KMO: variants seen among roughly 807,000 people sequenced by gnomAD.
KMO encodes the protein kynurenine 3-hydroxylase.
KMO carries 24 observed loss-of-function variants against 57.8 expected under a neutral mutation model. The ratio of observed to expected loss-of-function variants is 0.42; its 90% confidence interval spans 0.30 to 0.58. The LOEUF is 0.58. Among genes scored for constraint, KMO ranks in the 20% least tolerant of loss-of-function variants. The pLI is 0.22. For missense variants in KMO, 483 were observed against 588.2 expected, an observed-to-expected ratio of 0.82 and a Z score of 1.85; for synonymous variants, 210 against 193.6, an observed-to-expected ratio of 1.08 and a Z score of -0.70.
rs1166996522 is a variant in KMO at position 241,551,069 on chromosome 1, T to C, written c.312+25T>C. The C allele has an allele frequency of 3.1e-6, 4 of 1,282,350 alleles. No individual in the cohort carries two copies. In the South Asian group the frequency reaches 5.2e-5, roughly 17 times the overall value. The allele number at this position is 1,282,350 out of a possible 1,614,324, so 79.4% of individuals were successfully genotyped here. A position where few individuals can be genotyped will look rare whatever the true frequency, so the allele number is the denominator to read the frequency against. On this transcript the variant is annotated intron_variant, in intron 4 of 14. Transcript: ENST00000366559. Reference sequence around the variant, plus strand: ...GGTAGGTTTACCCCGGAGATCATTGTGCATTGATTATAAGGAAGTCAAAGT... The same window carrying C: ...GGTAGGTTTACCCCGGAGATCATTGCGCATTGATTATAAGGAAGTCAAAGT...
Position 241,549,588 on chromosome 1 carries a change from T to C in KMO, c.125-89T>C, listed in dbSNP as rs931070278. On this transcript the variant is annotated intron_variant, in intron 2 of 14. Transcript: ENST00000366559. ...AGAAGTTCTTTAATGTGGTTCCGAA[T>C]GAACCAGTTGTTCAGATGCAGTAAT... The C allele has an allele frequency of 7.3e-6, 5 of 684,270 alleles. No individual in the cohort carries two copies. The African/African-American group carries it at 9.1e-5, about 12-fold the overall frequency. 42.4% of individuals were successfully genotyped at this position (684,270 alleles called of 1,614,324 possible).
At position 241,594,757 on chromosome 1, in the gene KMO, G is replaced by A. The variant is rs1041752381; in HGVS notation, c.*2604G>A. 7.1e-6 allele frequency: 11 copies of A among 1,543,264 alleles called. No individual in the cohort carries two copies. The African/African-American group carries it at 8.3e-5, about 12-fold the overall frequency. ...TGGGCACTAATCTGGATTAACATTCGAGGAAATCAGTTGAGCTGAATTTAA... is the reference window on the plus strand; with the variant it reads ...TGGGCACTAATCTGGATTAACATTCAAGGAAATCAGTTGAGCTGAATTTAA... On this transcript the variant is annotated 3_prime_UTR_variant, in exon 15 of 15. Coordinates refer to ENST00000366559, the MANE Select transcript of KMO (RefSeq NM_003679.5).
At position 241,592,480 on chromosome 1, in the gene KMO, A is replaced by C; in HGVS notation, c.*327A>C. ...GACAGTAATCATGCCTTTTCTTTAA[A>C]AGACACAATAGGACTCGCAACAGCA... On this transcript the variant is annotated 3_prime_UTR_variant, in exon 15 of 15. Transcript: ENST00000366559. The C allele has an allele frequency of 1.3e-5, 4 of 306,530 alleles. No individual in the cohort carries two copies. In the South Asian group the frequency reaches 1.4e-4, roughly 11 times the overall value. The allele number at this position is 306,530 out of a possible 1,614,324, so 19.0% of individuals were successfully genotyped here. A position where few individuals can be genotyped will look rare whatever the true frequency, so the allele number is the denominator to read the frequency against.
At chr1:241,547,789 G>C (rs886509627) in intron 1 of KMO, among the ~76,000 whole-genome samples, 5 of 151,884 alleles carry the variant, frequency 3.3e-5, no homozygotes, top group Non-Finnish European at 5.9e-5. Context: ...GAAAAGTGAC[G>C]GTACATAAAC....
intron 4 of KMO, among the ~76,000 whole-genome samples, chr1:241,552,148 CTGTG>C (rs1291671526): frequency 1.4e-5 from 2 of 144,428 alleles, no homozygotes; most frequent in Non-Finnish European, 3.0e-5. Flanking sequence ...ACCACCTTGT[CTGTG>C]TGTGTGTGAG....
intron 2 of KMO, 62 bp from the exon 3 acceptor site, chr1:241,549,615 T>C (rs1234329051): frequency 4.1e-6 from 4 of 969,868 alleles, no homozygotes; most frequent in Admixed American, 2.0e-5. Flanking sequence ...TGCAGTAATT[T>C]TGCTCATCCT....
chr1:241,578,475 T>C (rs1323830449), intron 10 of KMO, among the ~76,000 whole-genome samples: 3 of 152,112 alleles, frequency 2.0e-5, no homozygotes, highest in Admixed American at 2.0e-4. Context: ...GTTGCTCCTC[T>C]AGGTCCAGCA....
At chr1:241,550,902 T>C (rs1661369233) in intron 3 of KMO, 53 bp from the exon 4 acceptor site, 5 of 796,844 alleles carry the variant, frequency 6.3e-6, no homozygotes, top group Non-Finnish European at 9.9e-6. Context: ...CTATCTTTCT[T>C]GCATAATGCC....
intron 1 of KMO, among the ~76,000 whole-genome samples, chr1:241,543,175 A>C (rs1661017311): frequency 6.6e-6 from 1 of 152,154 alleles, no homozygotes; most frequent in Admixed American, 6.6e-5. Flanking sequence ...AAGAAGTGAC[A>C]GAGTGCCAGT....
intron 10 of KMO, among the ~76,000 whole-genome samples, chr1:241,577,590 G>A (rs1360632479): frequency 1.3e-5 from 2 of 152,060 alleles, no homozygotes; most frequent in Non-Finnish European, 1.5e-5. Context: ...CTTGGTGTGT[G>A]TACAAGTTCA....
intron 1 of KMO, among the ~76,000 whole-genome samples, chr1:241,547,664 G>A (rs935030711): frequency 2.6e-5 from 4 of 151,356 alleles, no homozygotes; most frequent in African/African-American, 4.9e-5. Context: ...CAACTTACCA[G>A]CTCCCACCCT....
intron 5 of KMO, among the ~76,000 whole-genome samples, chr1:241,558,213 T>C (rs1661710216): frequency 6.6e-6 from 1 of 152,336 alleles, no homozygotes; most frequent in African/African-American, 2.4e-5. Context: ...ACTTAAAACA[T>C]GGGAAAGGTA....
rs1227161654 is a variant in KMO at position 241,591,975 on chromosome 1, T to C, written c.1283T>C (p.Phe428Ser). The change falls in exon 15 of 15, where the codon TTC (phenylalanine) becomes TCC (serine). Residue 428 changes from phenylalanine (F) to serine (S), a missense_variant. Transcript: ENST00000366559. ...CAGGTGATAAACAAAGGACTCTTTTTCTTGGGATCACTGATAGCCATCAGC... is the reference window on the plus strand; with the variant it reads ...CAGGTGATAAACAAAGGACTCTTTTCCTTGGGATCACTGATAGCCATCAGC... ...QKKVINKGLFFLGSLIAISST... is the reference protein window; with the variant it reads ...QKKVINKGLFSLGSLIAISST... 4.3e-6 allele frequency: 7 copies of C among 1,613,814 alleles called. No individual in the cohort carries two copies. The highest frequency in any genetic ancestry group is 5.9e-6 in the Non-Finnish European group (7 of 1,179,844).
At chr1:241,589,572 C>T (rs918162227) in intron 12 of KMO, among the ~76,000 whole-genome samples, 5 of 152,102 alleles carry the variant, frequency 3.3e-5, no homozygotes, top group South Asian at 2.1e-4. Flanking sequence ...CCTTTAAAAA[C>T]GGGATGGCTA....
At chr1:241,534,924 T>C (rs1372053690) in intron 1 of KMO, among the ~76,000 whole-genome samples, 5 of 152,154 alleles carry the variant, frequency 3.3e-5, no homozygotes, top group Non-Finnish European at 5.9e-5. Flanking sequence ...CCCTTTTTAT[T>C]TGTTAATCTT....
chr1:241,539,940 A>G (rs1402353624), intron 1 of KMO, among the ~76,000 whole-genome samples: 3 of 152,222 alleles, frequency 2.0e-5, no homozygotes, highest in Non-Finnish European at 4.4e-5. Context: ...AATTAAAATA[A>G]CTTGAATATC....
At chr1:241,574,251 G>A (rs1662417228) in intron 10 of KMO, among the ~76,000 whole-genome samples, 1 of 151,986 alleles carries the variant, frequency 6.6e-6, no homozygotes, top group Non-Finnish European at 1.5e-5. Context: ...CAATTTGGAT[G>A]TCCTTCATTT....
At chr1:241,562,441 C>A in intron 7 of KMO, 109 bp downstream of exon 7, 3 of 1,066,904 alleles carry the variant, frequency 2.8e-6, no homozygotes, top group African/African-American at 1.6e-5. Flanking sequence ...CATTTTGAGG[C>A]CTATCACAAG....
At chr1:241,562,143 T>G (rs554587099) in intron 6 of KMO, 24 bp from the exon 7 acceptor site, 1 of 1,609,034 alleles carries the variant, frequency 6.2e-7, no homozygotes, top group African/African-American at 1.3e-5. Context: ...ATTTTTCTTT[T>G]GGATGTTTTG....
Sources: gnomAD v4.1 joint callset for allele counts (sites outside exome capture counted in the v4.1 genomes callset) on GRCh38, gnomAD v4.1.1 for gene constraint, MANE v1.5 for transcripts, NCBI Gene and HGNC (gene_info 2026-07-23, HGNC 2026-07-21) for gene names.